The following MAP2 variants were observed in gnomAD, a reference collection of about 807,000 sequenced individuals.
MAP2 encodes microtubule-associated protein 2.
A neutral mutation model predicts 137.6 loss-of-function variants in MAP2; 14 were observed. The ratio of observed to expected loss-of-function variants is 0.10; its 90% CI spans 0.07 to 0.16. The LOEUF (loss-of-function observed/expected upper bound fraction) is 0.16. MAP2 is among the 10% of genes least tolerant of loss of function. The probability of loss-of-function intolerance (pLI) is 1.00; values close to 1 mark genes in which losing one functional copy is unlikely to be tolerated. For synonymous variants in MAP2, 786 were observed against 782.3 expected (o/e 1.00, Z -0.08); for missense variants, 2,088 against 2,191.5 (o/e 0.95, Z 0.94).
In MAP2 at chr2:209,695,405, A is replaced by AC; in HGVS notation, c.3240dup (p.Ser1081LeufsTer15). The AC allele has an allele frequency of 6.2e-7, 1 of 1,612,980 alleles. No individual in the cohort carries two copies. Among genetic ancestry groups the AC allele is most frequent in the Non-Finnish European group, 8.5e-7 (1 of 1,179,596 alleles). ...AAAACTTGAGGCTACACAGGACATG[A>AC]CCCCCTCATCCAAAGCACCGCAGGA... On this transcript the variant is annotated frameshift_variant, in exon 8 of 16. Transcript: ENST00000682079. LOFTEE classifies it high-confidence loss of function.
At chr2:209,537,758 T>C (rs539267097) in intron 2 of MAP2, among the ~76,000 whole-genome samples, 9 of 152,228 alleles carry the variant, frequency 5.9e-5, no homozygotes, top group Non-Finnish European at 8.8e-5. Flanking sequence ...GAAGACTCTC[T>C]CACTGATATT....
chr2:209,565,847 G>C (rs1367019890), intron 2 of MAP2, among the ~76,000 whole-genome samples: 1 of 152,098 alleles, frequency 6.6e-6, no homozygotes, highest in African/African-American at 2.4e-5. Flanking sequence ...GTTTTCTCTT[G>C]TTATTTGCTC....
chr2:209,621,189 G>A (rs994184316), intron 3 of MAP2, among the ~76,000 whole-genome samples: 1 of 151,466 alleles, frequency 6.6e-6, no homozygotes, highest in African/African-American at 2.4e-5. Context: ...GGCAACAAGG[G>A]TGAAACCAAA....
chr2:209,626,889 G>A (rs987128665), intron 4 of MAP2, among the ~76,000 whole-genome samples: 4 of 151,956 alleles, frequency 2.6e-5, no homozygotes, highest in Admixed American at 2.6e-4. Flanking sequence ...ATGTTAAAAT[G>A]GTTTAAGCAT....
intron 2 of MAP2, among the ~76,000 whole-genome samples, chr2:209,560,401 A>G (rs1372795638): frequency 6.6e-6 from 1 of 152,146 alleles, no homozygotes; most frequent in Non-Finnish European, 1.5e-5. Context: ...AATTGCAAAC[A>G]TATAACTTCT....
intron 12 of MAP2, among the ~76,000 whole-genome samples, chr2:209,707,714 A>G (rs2063910432): frequency 6.6e-6 from 1 of 152,210 alleles, no homozygotes; most frequent in Non-Finnish European, 1.5e-5. Context: ...GAACATATTT[A>G]TTACAATAAA....
intron 1 of MAP2, among the ~76,000 whole-genome samples, chr2:209,475,289 A>T (rs1376868624): frequency 6.6e-6 from 1 of 152,048 alleles, no homozygotes; most frequent in Non-Finnish European, 1.5e-5. Flanking sequence ...GTCTTTACTC[A>T]TGGTAAAAAT....
chr2:209,512,115 A>G (rs2061799164), intron 2 of MAP2, among the ~76,000 whole-genome samples: 1 of 152,090 alleles, frequency 6.6e-6, no homozygotes, highest in African/African-American at 2.4e-5. Context: ...AAATGGAAAC[A>G]AAAATAACTT....
intron 1 of MAP2, among the ~76,000 whole-genome samples, chr2:209,470,397 C>A (rs978833577): frequency 2.6e-5 from 4 of 151,730 alleles, no homozygotes; most frequent in Admixed American, 2.0e-4. Context: ...TGTAATTACG[C>A]ATACATCTCC....
intron 2 of MAP2, among the ~76,000 whole-genome samples, chr2:209,528,712 A>G (rs576295318): frequency 1.3e-5 from 2 of 151,676 alleles, no homozygotes; most frequent in Admixed American, 6.6e-5. Context: ...CTATATATAT[A>G]TACATGTATA....
At position 209,482,211 on chromosome 2, in the gene MAP2, T is replaced by C. The variant is rs139395889; in HGVS notation, c.-221-25381T>C. On this transcript the variant is annotated intron_variant, in intron 1 of 15. Transcript: ENST00000682079. ...TAGCTCTCTTACTAAATAGTAACTCTCTGAGGGCAGAGTGCTATGCTTGCT... is the reference window on the plus strand; with the variant it reads ...TAGCTCTCTTACTAAATAGTAACTCCCTGAGGGCAGAGTGCTATGCTTGCT... Among the ~76,000 whole-genome samples the C allele has an allele frequency of 1.7e-3, 256 of 152,328 alleles. 3 individuals carry two copies. Among genetic ancestry groups the C allele is most frequent in the African/African-American group, 5.8e-3 (243 of 41,584 alleles).
intron 3 of MAP2, among the ~76,000 whole-genome samples, chr2:209,591,333 T>C (rs1229183143): frequency 1.3e-5 from 2 of 152,208 alleles, no homozygotes; most frequent in African/African-American, 4.8e-5. Flanking sequence ...GGGATGCTGC[T>C]AAACCTCCTA....
intron 3 of MAP2, among the ~76,000 whole-genome samples, chr2:209,601,380 T>C (rs1363044427): frequency 6.6e-6 from 1 of 152,180 alleles, no homozygotes. Context: ...AAATAAATTC[T>C]CTTGTTAGGC....
chr2:209,619,311 A>C (rs1397603184), intron 3 of MAP2, among the ~76,000 whole-genome samples: 1 of 152,194 alleles, frequency 6.6e-6, no homozygotes, highest in Non-Finnish European at 1.5e-5. Flanking sequence ...CAACTATGTG[A>C]AGTAATACAT....
chr2:209,600,659 T>C (rs752997519), intron 3 of MAP2, among the ~76,000 whole-genome samples: 2 of 152,202 alleles, frequency 1.3e-5, no homozygotes, highest in East Asian at 3.8e-4. Flanking sequence ...ATAGATGTTA[T>C]CTTTTGTAAG....
intron 1 of MAP2, among the ~76,000 whole-genome samples, chr2:209,484,503 A>G (rs917018823): frequency 5.9e-5 from 9 of 152,194 alleles, no homozygotes; most frequent in African/African-American, 1.9e-4. Flanking sequence ...CAGCCTAGCC[A>G]AGATGATGAA....
intron 2 of MAP2, among the ~76,000 whole-genome samples, chr2:209,520,211 A>G (rs778606453): frequency 3.7e-4 from 57 of 152,212 alleles, no homozygotes; most frequent in South Asian, 1.0e-3. Context: ...CAGAGTGAGC[A>G]TCTGCTGATG....
chr2:209,449,044 A>G (rs948717223), intron 1 of MAP2, among the ~76,000 whole-genome samples: 8 of 152,146 alleles, frequency 5.3e-5, no homozygotes, highest in Admixed American at 6.6e-5. Flanking sequence ...TAACCAGGGT[A>G]AGTCTTGTAC....
Position 209,678,560 on chromosome 2 carries a change from T to C in MAP2, c.263-12T>C, listed in dbSNP as rs776131872. The C allele has an allele frequency of 2.2e-5, 30 of 1,369,126 alleles. No homozygotes were observed. The highest frequency in any genetic ancestry group is 2.9e-5 in the Non-Finnish European group (29 of 995,322). The allele number at this position is 1,369,126 out of a possible 1,614,324, so 84.8% of individuals were successfully genotyped here. On this transcript the variant is annotated splice_polypyrimidine_tract_variant and intron_variant, in intron 5 of 15. Coordinates refer to ENST00000682079, the MANE Select transcript of MAP2 (RefSeq NM_001375505.1). ...TCATCGTTATATTTTATTTTGTTACTGTTTATTACAGAGGAGGTGTCTGCA... is the reference window on the plus strand; with the variant it reads ...TCATCGTTATATTTTATTTTGTTACCGTTTATTACAGAGGAGGTGTCTGCA...
Sources: allele counts gnomAD v4.1 joint callset (sites outside exome capture counted in the v4.1 genomes callset), GRCh38; gene constraint gnomAD v4.1.1; transcripts MANE v1.5; gene names NCBI Gene and HGNC (gene_info 2026-07-23, HGNC 2026-07-21).